Variants in GRAMD1B observed in about 807,000 individuals in gnomAD.
GRAMD1B encodes protein Aster-B.
In GRAMD1B, 37 loss-of-function variants were observed where a neutral mutation model predicts 99.7. The observed-to-expected ratio is 0.37, with a 90% CI of 0.29 to 0.49. GRAMD1B has a LOEUF of 0.49. Among genes scored for constraint, GRAMD1B ranks in the 20% least tolerant of loss-of-function variants. The pLI is 0.98. For missense variants in GRAMD1B, 888 were observed against 1,009.2 expected, an observed-to-expected ratio of 0.88 and a Z score of 1.63; for synonymous variants, 427 against 387.6, an observed-to-expected ratio of 1.10 and a Z score of -1.19.
In GRAMD1B at chr11:123,431,177, G is replaced by A. The variant is rs184084460; in HGVS notation, c.374+11G>A. ...GTGCAGTGAAAGCAGGTACGTCCCC[G>A]TTCCGCCCGTCTCCTTCCCTTCCCT... On this transcript the variant is annotated intron_variant, in intron 1 of 19. Coordinates refer to ENST00000635736, the MANE Select transcript of GRAMD1B (RefSeq NM_001387025.1). 3 of 692,392 alleles carry A rather than the reference G, an allele frequency of 4.3e-6. No homozygotes were observed. The African/African-American group carries it at 5.2e-5, about 12-fold the overall frequency. 42.9% of individuals were successfully genotyped at this position (692,392 alleles called of 1,614,324 possible).
chr11:123,586,548 C>T (rs751116860), intron 4 of GRAMD1B, among the ~76,000 whole-genome samples: 3 of 152,198 alleles, frequency 2.0e-5, no homozygotes, highest in Non-Finnish European at 2.9e-5. Flanking sequence ...GGTCCGCCCT[C>T]GGGTGACAGG....
At chr11:123,411,735 C>A (rs151050430) in intron 1 of GRAMD1B, among the ~76,000 whole-genome samples, 1 of 152,224 alleles carries the variant, frequency 6.6e-6, no homozygotes, top group Non-Finnish European at 1.5e-5. Context: ...GCAGCCTTGA[C>A]TTCCAGGGCT....
At chr11:123,566,492 C>T (rs74236743) in intron 2 of GRAMD1B, among the ~76,000 whole-genome samples, 2,200 of 152,118 alleles carry the variant, frequency 0.014, 38 homozygotes, top group East Asian at 0.087. Flanking sequence ...TTTGGCCGAG[C>T]GCGGTGGCTC....
chr11:123,364,858 A>G (rs1393844771), intron 1 of GRAMD1B, among the ~76,000 whole-genome samples: 2 of 152,198 alleles, frequency 1.3e-5, no homozygotes, highest in African/African-American at 4.8e-5. Flanking sequence ...AAAAATTTGC[A>G]AAATGAGTTT....
chr11:123,418,020 C>G (rs917900884), intron 1 of GRAMD1B, among the ~76,000 whole-genome samples: 2 of 152,134 alleles, frequency 1.3e-5, no homozygotes, highest in African/African-American at 4.8e-5. Flanking sequence ...CCACCTTGGC[C>G]TCCCGAAGTG....
At chr11:123,621,243 T>G (rs1955084534) in intron 19 of GRAMD1B, among the ~76,000 whole-genome samples, 1 of 152,184 alleles carries the variant, frequency 6.6e-6, no homozygotes, top group African/African-American at 2.4e-5. Flanking sequence ...AATGTTGTCT[T>G]ATGTTGTAAT....
At chr11:123,538,351 A>C (rs75940648) in intron 2 of GRAMD1B, among the ~76,000 whole-genome samples, 1 of 152,070 alleles carries the variant, frequency 6.6e-6, no homozygotes, top group Non-Finnish European at 1.5e-5. Flanking sequence ...CTTGCTTGGC[A>C]TGGTGGAACA....
In GRAMD1B at chr11:123,618,819, C is replaced by A. The variant is rs775663444; in HGVS notation, c.2426+19C>A. ...AAGAAAGGTAATCCTGGCCTCGTCC[C>A]CTCACCTCCACCTTCATCCCACCCA... On this transcript the variant is annotated intron_variant, in intron 18 of 19. Transcript: ENST00000635736. The A allele has an allele frequency of 2.4e-6, 3 of 1,233,426 alleles. No homozygotes were observed. Among genetic ancestry groups the A allele is most frequent in the Non-Finnish European group, 3.5e-6 (3 of 854,934 alleles). The allele number at this position is 1,233,426 out of a possible 1,614,324, so 76.4% of individuals were successfully genotyped here.
intron 2 of GRAMD1B, among the ~76,000 whole-genome samples, chr11:123,538,767 G>A (rs2508964): frequency 1.7e-4 from 26 of 151,576 alleles, no homozygotes; most frequent in Middle Eastern, 3.4e-3. Context: ...CTACAGGCAC[G>A]CATCACCACA....
At chr11:123,463,012 T>G (rs1950510817) in intron 1 of GRAMD1B, among the ~76,000 whole-genome samples, 1 of 151,896 alleles carries the variant, frequency 6.6e-6, no homozygotes, top group East Asian at 1.9e-4. Flanking sequence ...TTATTTATAT[T>G]TATTTATTTA....
Position 123,610,444 on chromosome 11 carries a change from G to T in GRAMD1B, c.1919+106G>T. On this transcript the variant is annotated intron_variant, in intron 14 of 19. Transcript: ENST00000635736. The surrounding 1 kb of genome is among the most constrained non-coding windows in gnomAD (Gnocchi z 4.1). ...AGGAGGTGGGGAGTGCTTGGCTGCT[G>T]ACTCTCTTTATTCTACTTTCTCTCC... 1 of 1,093,962 alleles carries T rather than the reference G, an allele frequency of 9.1e-7. No individual in the cohort carries two copies. The highest frequency in any genetic ancestry group is 1.4e-6 in the Non-Finnish European group (1 of 728,998). The allele number at this position is 1,093,962 out of a possible 1,614,324, so 67.8% of individuals were successfully genotyped here.
chr11:123,557,215 T>C (rs892455283), intron 2 of GRAMD1B, among the ~76,000 whole-genome samples: 2 of 152,250 alleles, frequency 1.3e-5, no homozygotes, highest in African/African-American at 4.8e-5. Flanking sequence ...ACTCTTTTGC[T>C]ATCATCAGGA....
At chr11:123,408,435 A>G (rs1947929958) in intron 1 of GRAMD1B, among the ~76,000 whole-genome samples, 1 of 152,194 alleles carries the variant, frequency 6.6e-6, no homozygotes. Context: ...TTATGTTAAA[A>G]CGAGTACTGG....
chr11:123,567,646 TTTG>T lies in GRAMD1B; in HGVS notation c.453-9719_453-9717del, dbSNP rs141099296. Among the ~76,000 whole-genome samples, 615 of 152,272 alleles carry T rather than the reference TTTG, an allele frequency of 4.0e-3. 1 individual carries two copies. Among genetic ancestry groups the T allele is most frequent in the African/African-American group, 0.014 (595 of 41,544 alleles). On this transcript the variant is annotated intron_variant, in intron 2 of 19. Coordinates refer to ENST00000635736, the MANE Select transcript of GRAMD1B (RefSeq NM_001387025.1). ...GTCTCCATGGAAATGAAAAATAGTG[TTTG>T]TCATGCCTGTTCCTGGATTGAATTC...
intron 3 of GRAMD1B, among the ~76,000 whole-genome samples, chr11:123,579,490 C>T (rs1352045646): frequency 2.0e-5 from 3 of 152,090 alleles, no homozygotes; most frequent in Non-Finnish European, 2.9e-5. Context: ...TTACCTGGAG[C>T]GAGGAAGCCA....
intron 2 of GRAMD1B, among the ~76,000 whole-genome samples, chr11:123,538,147 T>C (rs1164756526): frequency 1.3e-5 from 2 of 152,102 alleles, no homozygotes; most frequent in African/African-American, 2.4e-5. Flanking sequence ...GAAAAACATA[T>C]TTATAACTAT....
intron 2 of GRAMD1B, among the ~76,000 whole-genome samples, chr11:123,533,693 C>T (rs56043612): frequency 6.6e-6 from 1 of 152,200 alleles, no homozygotes; most frequent in South Asian, 2.1e-4. Context: ...TCCTGGAGTG[C>T]TGGGTTTACT....
intron 2 of GRAMD1B, among the ~76,000 whole-genome samples, chr11:123,541,732 A>T (rs1944553487): frequency 6.6e-6 from 1 of 152,204 alleles, no homozygotes; most frequent in African/African-American, 2.4e-5. Flanking sequence ...ATATAATCAC[A>T]TCAATCACTC....
chr11:123,614,915 G>A (rs944628681), intron 17 of GRAMD1B, 80 bp downstream of exon 17: 10 of 757,558 alleles, frequency 1.3e-5, no homozygotes, highest in Admixed American at 4.4e-5. Flanking sequence ...GTCTCTTGAA[G>A]CATCTGAGCA....
Sources: gnomAD v4.1 joint callset for allele counts (sites outside exome capture counted in the v4.1 genomes callset) on GRCh38, gnomAD v4.1.1 for gene constraint, Gnocchi (gnomAD v3.1) non-coding constraint, MANE v1.5 for transcripts, NCBI Gene and HGNC (gene_info 2026-07-23, HGNC 2026-07-21) for gene names.